The following RGMA variants were observed in gnomAD, a reference collection of about 807,000 sequenced individuals.
RGMA encodes repulsive guidance molecule A.
Under a neutral mutation model 23.2 loss-of-function variants are expected in RGMA, and 10 were observed. The ratio of observed to expected loss-of-function variants is 0.43; its 90% confidence interval spans 0.27 to 0.73. The LOEUF (loss-of-function observed/expected upper bound fraction) is 0.73. Among genes scored for constraint, RGMA ranks in the 30% least tolerant of loss-of-function variants. RGMA has a pLI of 0.20. For synonymous variants in RGMA, 308 were observed against 279.3 expected, an observed-to-expected ratio of 1.10 and a Z score of -1.03; for missense variants, 547 against 630.5, an observed-to-expected ratio of 0.87 and a Z score of 1.42.
intron 2 of RGMA, among the ~76,000 whole-genome samples, chr15:93,063,740 C>G (rs1895048064): frequency 6.6e-6 from 1 of 152,206 alleles, no homozygotes; most frequent in Admixed American, 6.5e-5. Context: ...GTGGCTCCCA[C>G]CCTTTGAATC....
rs1171369917 is a variant in RGMA at position 93,045,560 on chromosome 15, T to A, written c.791A>T (p.Lys264Met). The change falls in exon 4 of 4, where the codon AAG becomes ATG. Residue 264 changes from lysine (K) to methionine (M), a missense_variant. This residue lies in a region of RGMA where 128 missense variants were observed against 191.7 expected (regional missense o/e 0.67). Transcript: ENST00000329082. This position sits in a 1 kb window ranked among gnomAD's most constrained non-coding sequence, Gnocchi z 6.9. ...HGANSLKITE[K>M]VSGQHVEIQA... ...GATCTCCACGTGCTGGCCTGACACCTTCTCAGTGATCTTCAGGCTGTTGGC... is the reference window on the plus strand; with the variant it reads ...GATCTCCACGTGCTGGCCTGACACCATCTCAGTGATCTTCAGGCTGTTGGC... The A allele has an allele frequency of 1.9e-6, 3 of 1,613,346 alleles. No individual in the cohort carries two copies. Among genetic ancestry groups the A allele is most frequent in the South Asian group, 1.1e-5 (1 of 91,080 alleles).
intron 2 of RGMA, among the ~76,000 whole-genome samples, chr15:93,055,881 C>T (rs1481321073): frequency 1.3e-5 from 2 of 152,220 alleles, no homozygotes; most frequent in African/African-American, 4.8e-5. Context: ...GGATCTGCTA[C>T]CTCCACAGCC....
intron 2 of RGMA, 110 bp from the exon 3 acceptor site, chr15:93,052,617 G>T: frequency 8.5e-7 from 1 of 1,178,698 alleles, no homozygotes; most frequent in Non-Finnish European, 1.2e-6. Flanking sequence ...CTAGGGCAGA[G>T]CCACCCATGC....
At chr15:93,085,327 G>A (rs1389824796) in intron 1 of RGMA, among the ~76,000 whole-genome samples, 3 of 152,124 alleles carry the variant, frequency 2.0e-5, no homozygotes, top group East Asian at 1.9e-4. Flanking sequence ...CATACCCGCT[G>A]ATCTCTGTTT....
At chr15:93,068,832 T>C (rs911396239) in intron 2 of RGMA, among the ~76,000 whole-genome samples, 1 of 152,170 alleles carries the variant, frequency 6.6e-6, no homozygotes, top group Non-Finnish European at 1.5e-5. Flanking sequence ...TTAGTGCTCT[T>C]ATAAAAGGGA....
intron 3 of RGMA, among the ~76,000 whole-genome samples, chr15:93,049,491 C>T (rs1176947319): frequency 6.6e-6 from 1 of 152,160 alleles, no homozygotes; most frequent in Non-Finnish European, 1.5e-5. Flanking sequence ...GAGCAGGAGG[C>T]TGGGCACAGA....
chr15:93,086,048 A>G (rs771588058), intron 1 of RGMA, among the ~76,000 whole-genome samples: 5 of 152,184 alleles, frequency 3.3e-5, no homozygotes, highest in Non-Finnish European at 5.9e-5. Flanking sequence ...GAAAAAGAGG[A>G]GCCTGTCTTT....
intron 2 of RGMA, among the ~76,000 whole-genome samples, chr15:93,063,966 GC>G (rs1018524822): frequency 5.3e-5 from 8 of 152,310 alleles, no homozygotes; most frequent in African/African-American, 1.9e-4. Flanking sequence ...GCCAGCCAGG[GC>G]TGCTTTGCCC....
At chr15:93,061,565 A>AG (rs1201371539) in intron 2 of RGMA, among the ~76,000 whole-genome samples, 1 of 152,148 alleles carries the variant, frequency 6.6e-6, no homozygotes, top group African/African-American at 2.4e-5. Flanking sequence ...TCTTTTGGGG[A>AG]GGGGGGCTCC....
Position 93,044,964 on chromosome 15 carries a change from G to T in RGMA, c.*34C>A. On this transcript the variant is annotated 3_prime_UTR_variant, in exon 4 of 4. Coordinates refer to ENST00000329082, the MANE Select transcript of RGMA (RefSeq NM_020211.3). ...AGCCCACACATGGGGAAGCCGAGAG[G>T]ACGGAGCCCGCGCCTCCCTCCACAT... is the stretch of plus-strand genomic sequence containing the variant. The T allele has an allele frequency of 6.5e-7, 1 of 1,530,922 alleles. No homozygotes were observed. The highest frequency in any genetic ancestry group is 1.4e-5 in the African/African-American group (1 of 73,082). 94.8% of individuals were successfully genotyped at this position (1,530,922 alleles called of 1,614,324 possible).
Position 93,073,048 on chromosome 15 carries a change from G to GA in RGMA, c.15-18dup. 4 of 1,492,476 alleles carry GA rather than the reference G, an allele frequency of 2.7e-6. No individual in the cohort carries two copies. The highest frequency in any genetic ancestry group is 3.5e-6 in the Non-Finnish European group (4 of 1,128,448). The allele number at this position is 1,492,476 out of a possible 1,614,324, so 92.5% of individuals were successfully genotyped here. On this transcript the variant is annotated splice_polypyrimidine_tract_variant and intron_variant, in intron 1 of 3. Transcript: ENST00000329082. Reference sequence around the variant, plus strand: ...AGCCTCTCCCTGGAAGAAGAGTTCAGAAAAAAAGAAGAAAATAAATCACGC... The same window carrying GA: ...AGCCTCTCCCTGGAAGAAGAGTTCAGAAAAAAAAGAAGAAAATAAATCACGC...
rs183449487 is a variant in RGMA at position 93,082,710 on chromosome 15, G to A, written c.14+6209C>T. Among the ~76,000 whole-genome samples, 108 of 152,282 alleles carry A rather than the reference G, an allele frequency of 7.1e-4. 1 individual carries two copies. The East Asian group carries it at 0.017, about 23-fold the overall frequency. On this transcript the variant is annotated intron_variant, in intron 1 of 3. Transcript: ENST00000329082. ...ACTTTTTAAGAAGAGAAAAATTTCC[G>A]TGAACAATCTCCCCCATCCATCCTA...
chr15:93,073,093 C>T (rs1020597318), intron 1 of RGMA, 62 bp from the exon 2 acceptor site: 52 of 1,434,188 alleles, frequency 3.6e-5, no homozygotes, highest in Non-Finnish European at 4.5e-5. Context: ...AGGGCAGCCT[C>T]GCTCCGCCGG....
intron 2 of RGMA, among the ~76,000 whole-genome samples, chr15:93,068,974 TC>T (rs1473506572): frequency 2.0e-5 from 3 of 152,308 alleles, no homozygotes; most frequent in Non-Finnish European, 4.4e-5. Context: ...GCAATAAATG[TC>T]TGTCATGTAT....
At position 93,080,671 on chromosome 15, in the gene RGMA, G is replaced by T. The variant is rs183781080; in HGVS notation, c.15-7640C>A. ...GCTGCCCCAGGCTCAGTTCAGGCTG[G>T]GCTGGGCTGGGGCCTTCCTGCTGGT... On this transcript the variant is annotated intron_variant, in intron 1 of 3. Coordinates refer to ENST00000329082, the MANE Select transcript of RGMA (RefSeq NM_020211.3). 1.1e-3 allele frequency among the ~76,000 whole-genome samples: 162 copies of T among 152,216 alleles called. 1 individual carries two copies. The highest frequency in any genetic ancestry group is 3.7e-3 in the African/African-American group (155 of 41,530).
chr15:93,053,834 G>A lies in RGMA; in HGVS notation c.131-1327C>T, dbSNP rs538508312. Among the ~76,000 whole-genome samples, 7 of 152,254 alleles carry A rather than the reference G, an allele frequency of 4.6e-5. No individual in the cohort carries two copies. In the South Asian group the frequency reaches 1.2e-3, roughly 27 times the overall value. On this transcript the variant is annotated intron_variant, in intron 2 of 3. Transcript: ENST00000329082. ...TTGGGCTCCCCCCTTCACGTGACCC[G>A]TTTGCCATACTGCCAGTAACAAGGT...
At chr15:93,047,979 T>G in intron 3 of RGMA, among the ~76,000 whole-genome samples, 1 of 152,230 alleles carries the variant, frequency 6.6e-6, no homozygotes, top group Non-Finnish European at 1.5e-5. Flanking sequence ...GAATGCAGCA[T>G]GAGGCCATCC....
At position 93,043,885 on chromosome 15, in the gene RGMA, G is replaced by A. The variant is rs1427763253; in HGVS notation, c.*1113C>T. 2 of 152,390 alleles carry A rather than the reference G, an allele frequency of 1.3e-5. No homozygotes were observed. The highest frequency in any genetic ancestry group is 2.1e-4 in the South Asian group (1 of 4,840). 9.4% of individuals were successfully genotyped at this position (152,390 alleles called of 1,614,324 possible). On this transcript the variant is annotated 3_prime_UTR_variant, in exon 4 of 4. Coordinates refer to ENST00000329082, the MANE Select transcript of RGMA (RefSeq NM_020211.3). ...GTGCTGTGGGCACAGCAGCACAGGT[G>A]GGACTGTTCTGGGCCCCTGGATGAG... is the stretch of plus-strand genomic sequence containing the variant.
intron 2 of RGMA, among the ~76,000 whole-genome samples, chr15:93,055,635 C>G (rs961520169): frequency 1.3e-5 from 2 of 152,246 alleles, no homozygotes; most frequent in African/African-American, 4.8e-5. Context: ...CACGGGTGGG[C>G]TCCAGCCTCT....
Sources: gnomAD v4.1 joint callset for allele counts (sites outside exome capture counted in the v4.1 genomes callset) on GRCh38, gnomAD v4.1.1 for gene constraint, gnomAD v4.1.1 regional missense constraint, Gnocchi (gnomAD v3.1) non-coding constraint, MANE v1.5 for transcripts, NCBI Gene and HGNC (gene_info 2026-07-23, HGNC 2026-07-21) for gene names.